ATXN7: variants seen among roughly 807,000 people sequenced by gnomAD.
The protein encoded by ATXN7 is ataxin-7.
Under a neutral mutation model 70.5 loss-of-function variants are expected in ATXN7, and 12 were observed. The observed-to-expected ratio is 0.17, with a 90% CI of 0.11 to 0.28. ATXN7 has a LOEUF of 0.28. Among genes scored for constraint, ATXN7 ranks in the 10% least tolerant of loss-of-function variants. The probability of loss-of-function intolerance (pLI) is 1.00; values close to 1 mark genes in which losing one functional copy is unlikely to be tolerated. For missense variants in ATXN7, 1,256 were observed against 1,131.7 expected, an observed-to-expected ratio of 1.11 and a Z score of -1.58; for synonymous variants, 498 against 448.7, an observed-to-expected ratio of 1.11 and a Z score of -1.39.
intron 4 of ATXN7, among the ~76,000 whole-genome samples, chr3:63,947,041 G>A (rs911749187): frequency 1.3e-5 from 2 of 152,184 alleles, no homozygotes; most frequent in Non-Finnish European, 2.9e-5. Flanking sequence ...GGGGTGTTAT[G>A]AGTCTAGCAG....
chr3:63,930,521 C>G (rs1704908604), intron 4 of ATXN7, among the ~76,000 whole-genome samples: 1 of 146,930 alleles, frequency 6.8e-6, no homozygotes, highest in Non-Finnish European at 1.5e-5. Context: ...TTTCAAATCC[C>G]AGAGTTTACA....
In ATXN7 at chr3:63,974,849, G is replaced by A. The variant is rs985219044; in HGVS notation, c.500-5066G>A. On this transcript the variant is annotated intron_variant, in intron 5 of 12. Coordinates refer to ENST00000674280, the MANE Select transcript of ATXN7 (RefSeq NM_001377405.1). ...GCCCTGAATAAAGGGTATGGGAAGG[G>A]TTGCAGCTTGTGAGTTACCATGAGA... 2.0e-5 allele frequency among the ~76,000 whole-genome samples: 3 copies of A among 152,330 alleles called. No individual in the cohort carries two copies. The East Asian group carries it at 5.8e-4, about 29-fold the overall frequency.
rs1269111448 is a variant in ATXN7 at position 64,001,088 on chromosome 3, A to G, written c.*1621A>G. 6.6e-6 allele frequency: 1 copy of G among 152,124 alleles called. No individual in the cohort carries two copies. Among genetic ancestry groups the G allele is most frequent in the Non-Finnish European group, 1.5e-5 (1 of 68,022 alleles). The allele number at this position is 152,124 out of a possible 1,614,324, so 9.4% of individuals were successfully genotyped here. A position where few individuals can be genotyped will look rare whatever the true frequency, so the allele number is the denominator to read the frequency against. On this transcript the variant is annotated 3_prime_UTR_variant, in exon 13 of 13. Transcript: ENST00000674280. ...GGGTTTCAAACTTCAGTTTCAGGGA[A>G]TTTCAAGTCAACAACAGGTAGAATG... is the stretch of plus-strand genomic sequence containing the variant.
At chr3:63,912,978 C>T (rs1271161656) in intron 3 of ATXN7, 55 bp downstream of exon 3, 6 of 1,217,388 alleles carry the variant, frequency 4.9e-6, no homozygotes, top group South Asian at 1.3e-5. Flanking sequence ...CCTCCTCTCT[C>T]CTCCCCTCCC....
chr3:63,936,168 T>C (rs1168411617), intron 4 of ATXN7, among the ~76,000 whole-genome samples: 2 of 152,202 alleles, frequency 1.3e-5, no homozygotes, highest in Non-Finnish European at 2.9e-5. Context: ...GTTAGTCGCT[T>C]TTCCCTTATT....
At chr3:63,881,026 A>G (rs1702891717) in intron 1 of ATXN7, among the ~76,000 whole-genome samples, 2 of 152,160 alleles carry the variant, frequency 1.3e-5, no homozygotes, top group South Asian at 2.1e-4. Flanking sequence ...TGGAGTCGCA[A>G]TTTGTTATCT....
At chr3:63,906,944 G>A (rs954131280) in intron 2 of ATXN7, among the ~76,000 whole-genome samples, 4 of 152,198 alleles carry the variant, frequency 2.6e-5, no homozygotes, top group African/African-American at 7.2e-5. Context: ...TATTTTATCC[G>A]TCAGTGGGGA....
At chr3:63,898,760 C>CT (rs1374033729) in intron 2 of ATXN7, among the ~76,000 whole-genome samples, 3 of 152,180 alleles carry the variant, frequency 2.0e-5, no homozygotes, top group Admixed American at 1.3e-4. Context: ...TGCAGGAAGA[C>CT]TTTAGTTATA....
intron 5 of ATXN7, among the ~76,000 whole-genome samples, chr3:63,968,728 AT>A (rs1265812446): frequency 6.6e-6 from 1 of 152,158 alleles, no homozygotes; most frequent in Non-Finnish European, 1.5e-5. Flanking sequence ...AGCTAAGCTG[AT>A]TCTTGGGTGG....
chr3:63,977,467 C>T (rs1054395392), intron 5 of ATXN7, among the ~76,000 whole-genome samples: 2 of 152,166 alleles, frequency 1.3e-5, no homozygotes, highest in Admixed American at 1.3e-4. Flanking sequence ...TTCTTCATAT[C>T]ACAGACATGC....
At chr3:63,921,373 A>C (rs1025478841) in intron 4 of ATXN7, among the ~76,000 whole-genome samples, 1 of 152,246 alleles carries the variant, frequency 6.6e-6, no homozygotes, top group Non-Finnish European at 1.5e-5. Flanking sequence ...TATTTCAAAC[A>C]AGAAAGTTTC....
At chr3:63,866,527 A>T (rs907501367) in intron 1 of ATXN7, among the ~76,000 whole-genome samples, 13 of 152,178 alleles carry the variant, frequency 8.5e-5, no homozygotes, top group African/African-American at 2.9e-4. Flanking sequence ...AAGTGCTGGG[A>T]TTATGGGTTT....
At chr3:63,965,922 T>A (rs977123791) in intron 5 of ATXN7, among the ~76,000 whole-genome samples, 4 of 152,194 alleles carry the variant, frequency 2.6e-5, no homozygotes, top group African/African-American at 9.7e-5. Context: ...CTGATGTAGG[T>A]CTTAAAAATA....
intron 4 of ATXN7, among the ~76,000 whole-genome samples, chr3:63,931,307 C>A (rs1194984561): frequency 6.6e-6 from 1 of 151,602 alleles, no homozygotes; most frequent in African/African-American, 2.4e-5. Context: ...TTGTAAACAC[C>A]CGCCCCCCCA....
intron 1 of ATXN7, among the ~76,000 whole-genome samples, chr3:63,883,657 A>G (rs1287939323): frequency 1.3e-5 from 2 of 152,178 alleles, no homozygotes; most frequent in Non-Finnish European, 2.9e-5. Context: ...TATAACTGCC[A>G]TAAGTCATCA....
intron 1 of ATXN7, among the ~76,000 whole-genome samples, chr3:63,887,016 A>G (rs704365): frequency 1 from 151,636 of 152,290 alleles, 75,494 homozygotes; most frequent in Middle Eastern, 1. Flanking sequence ...AAAAACTCTC[A>G]TCTTCCCACT....
chr3:63,998,797 A>G (rs2075800735), intron 12 of ATXN7: 1 of 661,908 alleles, frequency 1.5e-6, no homozygotes, highest in Non-Finnish European at 1.9e-6. Flanking sequence ...TGCTGCTGTT[A>G]CAAAAGTAGG....
chr3:63,921,438 C>T (rs185096669), intron 4 of ATXN7, among the ~76,000 whole-genome samples: 1 of 152,234 alleles, frequency 6.6e-6, no homozygotes, highest in African/African-American at 2.4e-5. Flanking sequence ...TATGTACTTC[C>T]CCTCAAAAAA....
intron 11 of ATXN7, among the ~76,000 whole-genome samples, chr3:63,994,291 G>A (rs2075720924): frequency 6.6e-6 from 1 of 152,192 alleles, no homozygotes; most frequent in African/African-American, 2.4e-5. Context: ...CTGGAGTGCA[G>A]TAGTGTGATT....
Sources: allele counts gnomAD v4.1 joint callset (sites outside exome capture counted in the v4.1 genomes callset), GRCh38; gene constraint gnomAD v4.1.1; transcripts MANE v1.5; gene names NCBI Gene and HGNC (gene_info 2026-07-23, HGNC 2026-07-21).